ANO3: variants seen among roughly 807,000 people sequenced by gnomAD.
ANO3 encodes the protein anoctamin 3.
A neutral mutation model predicts 144.8 loss-of-function variants in ANO3; 99 were observed. The ratio of observed to expected loss-of-function variants is 0.68; its 90% CI spans 0.58 to 0.81. ANO3 has a LOEUF of 0.81. Ranked by LOEUF, ANO3 falls within the 30% of genes least tolerant of loss-of-function variation. The probability of loss-of-function intolerance (pLI) is 0.00; values close to 1 mark genes in which losing one functional copy is unlikely to be tolerated. For synonymous variants in ANO3, 414 were observed against 392.6 expected (o/e 1.05, Z -0.64); for missense variants, 905 against 1,202.2 (o/e 0.75, Z 3.66).
chr11:26,352,672 T>C (rs1200621804), intron 1 of ANO3, among the ~76,000 whole-genome samples: 1 of 152,230 alleles, frequency 6.6e-6, no homozygotes, highest in Non-Finnish European at 1.5e-5. Flanking sequence ...TTATGCTACG[T>C]AGATTGTATG....
At position 26,636,517 on chromosome 11, in the gene ANO3, A is replaced by G. The variant is rs190651020; in HGVS notation, c.2043+1447A>G. 2.8e-4 allele frequency among the ~76,000 whole-genome samples: 42 copies of G among 152,342 alleles called. No individual in the cohort carries two copies. The East Asian group carries it at 8.1e-3, about 29-fold the overall frequency. On this transcript the variant is annotated intron_variant, in intron 20 of 26. Transcript: ENST00000256737. ...GCAATTGTTTCTAAGTGCTCTCTGT[A>G]TATTAATGCATTTAATCCTCACAGT...
At chr11:26,473,161 A>G (rs977617488) in intron 4 of ANO3, among the ~76,000 whole-genome samples, 1 of 151,952 alleles carries the variant, frequency 6.6e-6, no homozygotes, top group Admixed American at 6.6e-5. Context: ...TAGAAAATCA[A>G]TTTTAAAGCA....
intron 20 of ANO3, 32 bp downstream of exon 20, chr11:26,635,102 T>G: frequency 4.4e-6 from 7 of 1,599,054 alleles, no homozygotes; most frequent in Non-Finnish European, 6.0e-6. Context: ...GGTGCAGGAA[T>G]GGGCATGGAT....
chr11:26,419,754 A>T (rs1223900032), intron 1 of ANO3, among the ~76,000 whole-genome samples: 1 of 152,120 alleles, frequency 6.6e-6, no homozygotes, highest in African/African-American at 2.4e-5. Context: ...ATAGCAAGGA[A>T]AATGAGCTTA....
upstream of ANO3, among the ~76,000 whole-genome samples, chr11:26,330,267 G>A (rs190805153): frequency 6.6e-6 from 1 of 152,014 alleles, no homozygotes; most frequent in African/African-American, 2.4e-5. Context: ...AACTCTGGAT[G>A]AACAAAATTT....
At chr11:26,452,076 C>A (rs1057032679) in intron 3 of ANO3, among the ~76,000 whole-genome samples, 18 of 152,138 alleles carry the variant, frequency 1.2e-4, no homozygotes, top group Non-Finnish European at 2.4e-4. Flanking sequence ...ACCAAAAGCC[C>A]ATCTGTACAT....
intron 3 of ANO3, among the ~76,000 whole-genome samples, chr11:26,445,575 C>T (rs1490879834): frequency 2.0e-5 from 3 of 151,944 alleles, no homozygotes; most frequent in East Asian, 1.9e-4. Flanking sequence ...CACTGTATCT[C>T]GTATTCACTA....
chr11:26,211,975 G>A (rs995098520), intron 1 of ANO3, among the ~76,000 whole-genome samples: 1 of 152,034 alleles, frequency 6.6e-6, no homozygotes, highest in African/African-American at 2.4e-5. Flanking sequence ...ACCAAACACT[G>A]CATGTTCTCA....
At chr11:26,549,316 T>G (rs908068593) in intron 12 of ANO3, among the ~76,000 whole-genome samples, 1 of 151,974 alleles carries the variant, frequency 6.6e-6, no homozygotes, top group African/African-American at 2.4e-5. Context: ...TGTCAGACTT[T>G]CTATTCTAAA....
At chr11:26,452,414 C>T (rs372149578) in intron 3 of ANO3, among the ~76,000 whole-genome samples, 4 of 152,058 alleles carry the variant, frequency 2.6e-5, no homozygotes, top group Admixed American at 2.0e-4. Flanking sequence ...AGCCAAGGCT[C>T]GAGAACTACG....
chr11:26,519,488 A>T (rs1348363360), intron 6 of ANO3, among the ~76,000 whole-genome samples: 1 of 152,236 alleles, frequency 6.6e-6, no homozygotes, highest in Non-Finnish European at 1.5e-5. Flanking sequence ...ATAGTAGAAC[A>T]AATTACCACA....
At chr11:26,435,089 A>G (rs1336854701) in intron 1 of ANO3, among the ~76,000 whole-genome samples, 1 of 152,140 alleles carries the variant, frequency 6.6e-6, no homozygotes, top group Admixed American at 6.5e-5. Context: ...TGCTTTATGA[A>G]TCTGGGCGCT....
At chr11:26,565,821 A>G in intron 14 of ANO3, 1 of 1,612,802 alleles carries the variant, frequency 6.2e-7, no homozygotes, top group African/African-American at 1.3e-5. Context: ...TGAATAAAAC[A>G]ACGTTGAAAT....
intron 1 of ANO3, among the ~76,000 whole-genome samples, chr11:26,253,343 G>A (rs1412155007): frequency 6.6e-6 from 1 of 152,150 alleles, no homozygotes; most frequent in Non-Finnish European, 1.5e-5. Context: ...ATAAGTGGGA[G>A]CTAAAAGATG....
At chr11:26,636,733 G>A (rs565719426) in intron 20 of ANO3, among the ~76,000 whole-genome samples, 26 of 152,346 alleles carry the variant, frequency 1.7e-4, no homozygotes, top group South Asian at 4.1e-4. Flanking sequence ...AGGATGGCGT[G>A]TAGGTATAAT....
intron 14 of ANO3, among the ~76,000 whole-genome samples, chr11:26,591,381 G>C (rs1015415319): frequency 2.0e-4 from 30 of 152,082 alleles, no homozygotes; most frequent in African/African-American, 6.8e-4. Context: ...CTGGTCCAGG[G>C]GTCTGCAGTA....
At chr11:26,438,610 A>AAAG (rs1858386558) in intron 1 of ANO3, among the ~76,000 whole-genome samples, 3 of 73,848 alleles carry the variant, frequency 4.1e-5, no homozygotes, top group Non-Finnish European at 7.6e-5. Context: ...AAAAAAAAAG[A>AAAG]AAAAAAAAAA....
At chr11:26,580,578 G>A (rs1034271797) in intron 14 of ANO3, among the ~76,000 whole-genome samples, 5 of 152,168 alleles carry the variant, frequency 3.3e-5, no homozygotes, top group African/African-American at 1.2e-4. Context: ...AGAAGGCTCT[G>A]ATAACTATTG....
chr11:26,480,726 T>C (rs1860181114), intron 4 of ANO3, among the ~76,000 whole-genome samples: 1 of 152,044 alleles, frequency 6.6e-6, no homozygotes, highest in South Asian at 2.1e-4. Context: ...GTTCATCAAT[T>C]GAACCCAGGA....
Sources: allele counts gnomAD v4.1 joint callset (sites outside exome capture counted in the v4.1 genomes callset), GRCh38; gene constraint gnomAD v4.1.1; transcripts MANE v1.5; gene names NCBI Gene and HGNC (gene_info 2026-07-23, HGNC 2026-07-21).